Variants in RYR2 observed in about 807,000 individuals in gnomAD.
The protein encoded by RYR2 is cardiac muscle ryanodine receptor-calcium release channel.
In RYR2, 227 loss-of-function variants were observed where a neutral mutation model predicts 601.1. The observed-to-expected ratio is 0.38, with a 90% CI of 0.34 to 0.42. RYR2 has a LOEUF of 0.42. Ranked by LOEUF, RYR2 falls within the 10% of genes least tolerant of loss-of-function variation. The probability of loss-of-function intolerance (pLI) is 1.00; values close to 1 mark genes in which losing one functional copy is unlikely to be tolerated. For synonymous variants in RYR2, 2,223 were observed against 2,175.1 expected, an observed-to-expected ratio of 1.02 and a Z score of -0.61; for missense variants, 4,646 against 6,156.5, an observed-to-expected ratio of 0.75 and a Z score of 8.21.
intron 14 of RYR2, among the ~76,000 whole-genome samples, chr1:237,453,098 T>C (rs1658394496): frequency 6.6e-6 from 1 of 152,088 alleles, no homozygotes; most frequent in African/African-American, 2.4e-5. Context: ...TTATGTTTAA[T>C]TGGAGTTAAT....
At chr1:237,480,011 G>A (rs1661858506) in intron 17 of RYR2, among the ~76,000 whole-genome samples, 1 of 152,120 alleles carries the variant, frequency 6.6e-6, no homozygotes, top group South Asian at 2.1e-4. Context: ...TCCTCATTTT[G>A]CTCAAACCCT....
intron 2 of RYR2, among the ~76,000 whole-genome samples, chr1:237,303,714 A>G (rs560898240): frequency 6.6e-6 from 1 of 152,330 alleles, no homozygotes; most frequent in South Asian, 2.1e-4. Context: ...TGTCCTGGCA[A>G]TCATATAAAT....
At chr1:237,428,215 C>T (rs375307809) in intron 12 of RYR2, among the ~76,000 whole-genome samples, 1 of 152,214 alleles carries the variant, frequency 6.6e-6, no homozygotes, top group African/African-American at 2.4e-5. Flanking sequence ...GATCTAGAAC[C>T]AGAAATACAA....
chr1:237,335,722 C>T (rs1697184951), intron 3 of RYR2, among the ~76,000 whole-genome samples: 1 of 152,084 alleles, frequency 6.6e-6, no homozygotes, highest in Admixed American at 6.6e-5. Context: ...ATTAATCATT[C>T]TTTGCTCCTT....
At chr1:237,089,830 G>C (rs565790440) in intron 1 of RYR2, among the ~76,000 whole-genome samples, 1 of 152,156 alleles carries the variant, frequency 6.6e-6, no homozygotes, top group East Asian at 1.9e-4. Flanking sequence ...ATTATTCTTA[G>C]ATAGTCTGCA....
intron 101 of RYR2, among the ~76,000 whole-genome samples, chr1:237,823,319 A>G (rs567680415): frequency 3.3e-5 from 5 of 152,228 alleles, no homozygotes; most frequent in Non-Finnish European, 7.3e-5. Flanking sequence ...AATGGAAATC[A>G]TAACAGAGTC....
At position 237,042,413 on chromosome 1, in the gene RYR2, T is replaced by A; in HGVS notation, c.-109T>A. 9.2e-7 allele frequency: 1 copy of A among 1,092,604 alleles called. No individual in the cohort carries two copies. Among genetic ancestry groups the A allele is most frequent in the Non-Finnish European group, 1.2e-6 (1 of 867,642 alleles). The allele number at this position is 1,092,604 out of a possible 1,614,324, so 67.7% of individuals were successfully genotyped here. A position where few individuals can be genotyped will look rare whatever the true frequency, so the allele number is the denominator to read the frequency against. On this transcript the variant is annotated 5_prime_UTR_variant, in exon 1 of 105. Coordinates refer to ENST00000366574, the MANE Select transcript of RYR2 (RefSeq NM_001035.3). ...CTCGGCACCCGGCAGCGCGGCCCCC[T>A]CCAGCCCCCGGCTCCCGGCAGCAGA...
At chr1:237,783,128 G>A (rs1363424393) in intron 89 of RYR2, among the ~76,000 whole-genome samples, 5 of 152,166 alleles carry the variant, frequency 3.3e-5, no homozygotes, top group Admixed American at 6.5e-5. Context: ...CAGAAAAAGC[G>A]TACAGTTTGC....
At chr1:237,161,381 CAG>C (rs1414288450) in intron 1 of RYR2, among the ~76,000 whole-genome samples, 2 of 151,786 alleles carry the variant, frequency 1.3e-5, no homozygotes, top group East Asian at 1.9e-4. Context: ...ACATTGTGCA[CAG>C]AGAGTTGATA....
chr1:237,478,897 T>C (rs1661714943), intron 17 of RYR2, among the ~76,000 whole-genome samples: 1 of 152,094 alleles, frequency 6.6e-6, no homozygotes, highest in African/African-American at 2.4e-5. Context: ...ATGGAATGAG[T>C]GTGCACTGTA....
At chr1:237,102,314 T>C (rs1335939881) in intron 1 of RYR2, among the ~76,000 whole-genome samples, 1 of 152,098 alleles carries the variant, frequency 6.6e-6, no homozygotes, top group African/African-American at 2.4e-5. Flanking sequence ...TGGAGAGGCA[T>C]CCAGGAAGGT....
chr1:237,679,825 A>G (rs980297005), intron 61 of RYR2, among the ~76,000 whole-genome samples: 1 of 152,160 alleles, frequency 6.6e-6, no homozygotes. Flanking sequence ...TAGGATATGG[A>G]GTATGGGAAG....
intron 22 of RYR2, among the ~76,000 whole-genome samples, chr1:237,504,833 G>A (rs898087680): frequency 2.0e-5 from 3 of 152,088 alleles, no homozygotes; most frequent in Non-Finnish European, 4.4e-5. Context: ...GAGCCGGTGG[G>A]CTGGGGTTGA....
At chr1:237,802,380 G>A (rs1473361197) in intron 98 of RYR2, 1 of 152,006 alleles carries the variant, frequency 6.6e-6, no homozygotes, top group Non-Finnish European at 1.5e-5. Flanking sequence ...TATCCAAATA[G>A]AAAAAAATTA....
At chr1:237,807,351 C>G (rs536535147) in intron 99 of RYR2, among the ~76,000 whole-genome samples, 3 of 152,104 alleles carry the variant, frequency 2.0e-5, no homozygotes, top group South Asian at 4.1e-4. Context: ...ATCAAATTTT[C>G]TTTGTTTGTT....
chr1:237,743,771 G>T, intron 80 of RYR2: 1 of 382,694 alleles, frequency 2.6e-6, no homozygotes, highest in Non-Finnish European at 5.2e-6. Context: ...AATGCATTTG[G>T]TCTCTTCAGG....
At position 237,042,456 on chromosome 1, in the gene RYR2, G is replaced by A; in HGVS notation, c.-66G>A. The A allele has an allele frequency of 8.1e-7, 1 of 1,228,756 alleles. No homozygotes were observed. The highest frequency in any genetic ancestry group is 1.0e-6 in the Non-Finnish European group (1 of 975,332). The allele number at this position is 1,228,756 out of a possible 1,614,324, so 76.1% of individuals were successfully genotyped here. A position where few individuals can be genotyped will look rare whatever the true frequency, so the allele number is the denominator to read the frequency against. On this transcript the variant is annotated 5_prime_UTR_variant, in exon 1 of 105. Transcript: ENST00000366574. ...GCAGCAGAAGCAGAAGGCAGCGCCAGGGGCCGCCGCCGCCGCCGAGCTCCG... is the reference window on the plus strand; with the variant it reads ...GCAGCAGAAGCAGAAGGCAGCGCCAAGGGCCGCCGCCGCCGCCGAGCTCCG...
intron 99 of RYR2, 57 bp from the exon 100 acceptor site, chr1:237,808,844 G>A (rs1660948112): frequency 5.1e-6 from 8 of 1,573,884 alleles, no homozygotes; most frequent in Non-Finnish European, 7.0e-6. Flanking sequence ...TAGATGTCAC[G>A]TGTCAATTGT....
At chr1:237,115,986 G>C (rs972927218) in intron 1 of RYR2, among the ~76,000 whole-genome samples, 1 of 152,074 alleles carries the variant, frequency 6.6e-6, no homozygotes, top group Non-Finnish European at 1.5e-5. Flanking sequence ...GACCCATAAG[G>C]AAAAAGGAGA....
Sources: allele counts gnomAD v4.1 joint callset (sites outside exome capture counted in the v4.1 genomes callset), GRCh38; gene constraint gnomAD v4.1.1; transcripts MANE v1.5; gene names NCBI Gene and HGNC (gene_info 2026-07-23, HGNC 2026-07-21).